The following DMRTB1 variants were observed in gnomAD, a reference collection of about 807,000 sequenced individuals.
DMRTB1 encodes doublesex- and mab-3-related transcription factor B1.
In DMRTB1, 9 loss-of-function variants were observed where a neutral mutation model predicts 25.2. The observed-to-expected ratio is 0.36, with a 90% confidence interval of 0.22 to 0.62. The LOEUF (loss-of-function observed/expected upper bound fraction) is 0.62. DMRTB1 is among the 20% of genes least tolerant of loss of function. The pLI, the probability that DMRTB1 is intolerant of heterozygous loss-of-function variation, is 0.71. For synonymous variants in DMRTB1, 269 were observed against 238.1 expected, an observed-to-expected ratio of 1.13 and a Z score of -1.20; for missense variants, 551 against 499.3, an observed-to-expected ratio of 1.10 and a Z score of -0.99.
At position 53,459,999 on chromosome 1, in the gene DMRTB1, G is replaced by A; in HGVS notation, c.546G>A (p.Arg182=). 1 of 1,584,622 alleles carries A rather than the reference G, an allele frequency of 6.3e-7. No homozygotes were observed. ...CCCTAGACCTGCGCAGGCCGATGCG[G>A]ACCGTGCCCGGCCCACTGTTCACCG... ...PGPLDLRRPM[R]TVPGPLFTDF... Residue 182 remains arginine, a synonymous_variant, in exon 1 of 4, where the codon CGG becomes CGA. Coordinates refer to ENST00000371445, the MANE Select transcript of DMRTB1 (RefSeq NM_033067.3).
chr1:53,465,276 C>T (rs1243104213), intron 3 of DMRTB1, among the ~76,000 whole-genome samples: 2 of 152,164 alleles, frequency 1.3e-5, no homozygotes, highest in East Asian at 3.9e-4. Flanking sequence ...GGAGCAGCAG[C>T]AGGAACCCGT....
chr1:53,460,053 C>A, intron 1 of DMRTB1, 23 bp downstream of exon 1: 1 of 1,538,360 alleles, frequency 6.5e-7, no homozygotes, highest in East Asian at 2.5e-5. Flanking sequence ...CTTGGTCCCG[C>A]GGTCGACTCC....
At position 53,459,772 on chromosome 1, in the gene DMRTB1, G is replaced by T. The variant is rs1644008003; in HGVS notation, c.319G>T (p.Ala107Ser). Residue 107 changes from alanine to serine, a missense_variant, in exon 1 of 4, where the codon GCC becomes TCC. Physicochemically the swap from Ala to Ser is moderately conservative, Grantham distance 99 (BLOSUM62 1). Coordinates refer to ENST00000371445, the MANE Select transcript of DMRTB1 (RefSeq NM_033067.3). ...PLSPGTPSGD[A>S]DPGPEGRAAA... ...GTCCCCGGGGACTCCCTCCGGAGAC[G>T]CCGACCCGGGACCCGAGGGCCGCGC... 5 of 1,377,610 alleles carry T rather than the reference G, an allele frequency of 3.6e-6. No individual in the cohort carries two copies. Among genetic ancestry groups the T allele is most frequent in the Non-Finnish European group, 4.7e-6 (5 of 1,068,140 alleles). 85.3% of individuals were successfully genotyped at this position (1,377,610 alleles called of 1,614,324 possible).
At chr1:53,464,237 G>A (rs1644038318) in intron 2 of DMRTB1, among the ~76,000 whole-genome samples, 1 of 152,206 alleles carries the variant, frequency 6.6e-6, no homozygotes, top group Non-Finnish European at 1.5e-5. Flanking sequence ...TTGGGATCCA[G>A]TTCTGCCCCT....
At position 53,464,748 on chromosome 1, in the gene DMRTB1, T is replaced by C; in HGVS notation, c.862T>C (p.Tyr288His). The C allele has an allele frequency of 5.6e-6, 9 of 1,613,342 alleles. No homozygotes were observed. Among genetic ancestry groups the C allele is most frequent in the Non-Finnish European group, 7.6e-6 (9 of 1,179,556 alleles). The stretch of plus-strand genomic sequence containing the variant: ...GCAGCCCCAGTTCCTCCCGCCAGGC[T>C]ACCTCTCTGCGCTCCACTTCCTCCC... ...PPQPQFLPPG[Y>H]LSALHFLPPP... The change falls in exon 3 of 4, where the codon TAC becomes CAC. Residue 288 changes from tyrosine (Y) to histidine (H), a missense_variant. By Grantham distance (83) the Tyr-to-His change is moderately conservative. Coordinates refer to ENST00000371445, the MANE Select transcript of DMRTB1 (RefSeq NM_033067.3).
In DMRTB1 at chr1:53,459,969, T is replaced by C. The variant is rs1355144135; in HGVS notation, c.516T>C (p.Pro172=). 1 of 1,581,952 alleles carries C rather than the reference T, an allele frequency of 6.3e-7. No homozygotes were observed. Among genetic ancestry groups the C allele is most frequent in the South Asian group, 1.1e-5 (1 of 89,126 alleles). The change falls in exon 1 of 4, where the codon CCT becomes CCC. Residue 172 remains proline, a synonymous_variant. Coordinates refer to ENST00000371445, the MANE Select transcript of DMRTB1 (RefSeq NM_033067.3). ...CGGAGGCCGCAGGCAGTGGCTACCC[T>C]GGCCCCCTAGACCTGCGCAGGCCGA... The part of the protein sequence containing the change: ...FGAEAAGSGY[P]GPLDLRRPMR...
chr1:53,464,846 TGGTGA>T lies in DMRTB1; in HGVS notation c.961+1_961+5del. On this transcript the variant is annotated splice_donor_variant and splice_donor_region_variant and coding_sequence_variant and intron_variant, in exon 3 of 4. Coordinates refer to ENST00000371445, the MANE Select transcript of DMRTB1 (RefSeq NM_033067.3). LOFTEE classifies it high-confidence loss of function. The stretch of plus-strand genomic sequence containing the variant: ...TGTTTGATACTGACAAGGAGAACAC[TGGTGA>T]GTGAGCTCCAGTCTTCCAGCTTCAG... The T allele has an allele frequency of 6.2e-7, 1 of 1,613,674 alleles. No individual in the cohort carries two copies. The highest frequency in any genetic ancestry group is 8.5e-7 in the Non-Finnish European group (1 of 1,179,958).
chr1:53,464,525 C>T lies in DMRTB1; in HGVS notation c.751-112C>T, dbSNP rs146778560. 7.9e-5 allele frequency: 120 copies of T among 1,522,300 alleles called. No homozygotes were observed. In the African/African-American group the frequency reaches 1.1e-3, roughly 14 times the overall value. 94.3% of individuals were successfully genotyped at this position (1,522,300 alleles called of 1,614,324 possible). ...TGCCCTGTGCCTGTGTGTTTGGGGC[C>T]GTGCATCTACCCCATCAGGAGCCCC... On this transcript the variant is annotated intron_variant, in intron 2 of 3. Coordinates refer to ENST00000371445, the MANE Select transcript of DMRTB1 (RefSeq NM_033067.3).
intron 2 of DMRTB1, among the ~76,000 whole-genome samples, chr1:53,463,005 A>G (rs1391355224): frequency 6.6e-6 from 1 of 152,234 alleles, no homozygotes; most frequent in Non-Finnish European, 1.5e-5. Context: ...GGCCTGCCAG[A>G]CGGCCTTTGT....
chr1:53,464,502 C>A, intron 2 of DMRTB1, 135 bp from the exon 3 acceptor site: 1 of 1,383,930 alleles, frequency 7.2e-7, no homozygotes, highest in Non-Finnish European at 1.0e-6. Flanking sequence ...CTTCCAAATG[C>A]CCTGTGCCTG....
rs1444843178 is a variant in DMRTB1, at chr1:53,461,586, G to A, written c.691G>A (p.Val231Ile). Residue 231 changes from valine (V) to isoleucine (I), a missense_variant, in exon 2 of 4, where the codon GTC becomes ATC. Physicochemically the swap from Val to Ile is conservative, Grantham distance 29. Coordinates refer to ENST00000371445, the MANE Select transcript of DMRTB1 (RefSeq NM_033067.3). ...GGGCTACCTGGACGCCCCTCCTGGCGTCCCCCTGCAGCAGGGCTTCCGGCA... is the reference window on the plus strand; with the variant it reads ...GGGCTACCTGGACGCCCCTCCTGGCATCCCCCTGCAGCAGGGCTTCCGGCA... ...PLGYLDAPPG[V>I]PLQQGFRHVS... 3 of 1,610,704 alleles carry A rather than the reference G, an allele frequency of 1.9e-6. No individual in the cohort carries two copies. The highest frequency in any genetic ancestry group is 1.1e-5 in the South Asian group (1 of 90,440).
chr1:53,467,398 A>G lies in DMRTB1; in HGVS notation c.*736A>G, dbSNP rs1644056270. The G allele has an allele frequency of 6.6e-6, 1 of 152,360 alleles. No individual in the cohort carries two copies. Among genetic ancestry groups the G allele is most frequent in the Non-Finnish European group, 1.5e-5 (1 of 68,052 alleles). The allele number at this position is 152,360 out of a possible 1,614,324, so 9.4% of individuals were successfully genotyped here. A position where few individuals can be genotyped will look rare whatever the true frequency, so the allele number is the denominator to read the frequency against. On this transcript the variant is annotated 3_prime_UTR_variant, in exon 4 of 4. Transcript: ENST00000371445. The stretch of plus-strand genomic sequence containing the variant: ...GTTCATAAGCACTGATGCAGTCCCT[A>G]GGGAATAGAATGGTGCTTCTGATCA...
intron 1 of DMRTB1, 156 bp downstream of exon 1, chr1:53,460,186 G>A (rs1039672074): frequency 4.2e-5 from 49 of 1,158,972 alleles, no homozygotes; most frequent in Non-Finnish European, 2.7e-5. Context: ...CAGGGATTTG[G>A]ATTGGGTAAC....
rs112444758 is a variant in DMRTB1, at chr1:53,464,723, G to C, written c.837G>C (p.Pro279=). Residue 279 remains proline (P), a synonymous_variant, in exon 3 of 4, where the codon CCG becomes CCC. Coordinates refer to ENST00000371445, the MANE Select transcript of DMRTB1 (RefSeq NM_033067.3). ...TGCCGCCCCTTCCACCGCTTCCACC[G>C]CAGCCCCAGTTCCTCCCGCCAGGCT... ...PPLPPLPPLP[P]QPQFLPPGYL... 1.9e-6 allele frequency: 3 copies of C among 1,613,092 alleles called. No homozygotes were observed. The South Asian group carries it at 3.3e-5, about 18-fold the overall frequency.
Position 53,460,007 on chromosome 1 carries a change from C to G in DMRTB1, c.554C>G (p.Pro185Arg), listed in dbSNP as rs760348052. 2 of 1,582,836 alleles carry G rather than the reference C, an allele frequency of 1.3e-6. No homozygotes were observed. The highest frequency in any genetic ancestry group is 1.1e-5 in the South Asian group (1 of 89,086). Reference protein sequence around the residue: ...LDLRRPMRTVPGPLFTDFVRP... With the variant: ...LDLRRPMRTVRGPLFTDFVRP... The stretch of plus-strand genomic sequence containing the variant: ...CTGCGCAGGCCGATGCGGACCGTGC[C>G]CGGCCCACTGTTCACCGACTTTGGT... Residue 185 changes from proline to arginine, a missense_variant, in exon 1 of 4, where the codon CCC becomes CGC. Physicochemically the swap from Pro to Arg is moderately radical, Grantham distance 103. Coordinates refer to ENST00000371445, the MANE Select transcript of DMRTB1 (RefSeq NM_033067.3).
In DMRTB1 at chr1:53,466,575, A is replaced by G. The variant is rs777043993; in HGVS notation, c.962-20A>G. Reference sequence around the variant, plus strand: ...ATTTTCGCTCTTTCTAAATCCAGCTACCTTCTTTGTCCTTCACAGATGACC... The same window carrying G: ...ATTTTCGCTCTTTCTAAATCCAGCTGCCTTCTTTGTCCTTCACAGATGACC... On this transcript the variant is annotated intron_variant, in intron 3 of 3. Transcript: ENST00000371445. The G allele has an allele frequency of 1.0e-5, 16 of 1,607,826 alleles. No homozygotes were observed. In the South Asian group the frequency reaches 1.5e-4, roughly 15 times the overall value.
At chr1:53,463,695 A>G (rs1569651934) in intron 2 of DMRTB1, among the ~76,000 whole-genome samples, 1 of 152,208 alleles carries the variant, frequency 6.6e-6, no homozygotes, top group Non-Finnish European at 1.5e-5. Context: ...GGAGCAGTAT[A>G]TGGGGTTTCT....
At chr1:53,462,273 T>C (rs574954059) in intron 2 of DMRTB1, among the ~76,000 whole-genome samples, 1 of 152,342 alleles carries the variant, frequency 6.6e-6, no homozygotes, top group East Asian at 1.9e-4. Context: ...ATCCCTGTGG[T>C]GTGTACTACG....
rs368433618 is a variant in DMRTB1 at position 53,466,604 on chromosome 1, A to G, written c.971A>G (p.Asp324Gly). The G allele has an allele frequency of 6.2e-7, 1 of 1,614,108 alleles. No homozygotes were observed. The highest frequency in any genetic ancestry group is 8.5e-7 in the Non-Finnish European group (1 of 1,180,040). Residue 324 changes from aspartate (D) to glycine (G), a missense_variant, in exon 4 of 4, where the codon GAT becomes GGT. Coordinates refer to ENST00000371445, the MANE Select transcript of DMRTB1 (RefSeq NM_033067.3). ...TCTTTGTCCTTCACAGATGACCAGG[A>G]TGCAGAGGTACTGTCGGGTGAGCCC... ...DTDKENTDDQDAEVLSGEPSQ... is the reference protein window; with the variant it reads ...DTDKENTDDQGAEVLSGEPSQ...
Sources: allele counts gnomAD v4.1 joint callset (sites outside exome capture counted in the v4.1 genomes callset), GRCh38; gene constraint gnomAD v4.1.1; transcripts MANE v1.5; gene names NCBI Gene and HGNC (gene_info 2026-07-23, HGNC 2026-07-21).